The following CDH18 variants were observed in gnomAD, a reference collection of about 807,000 sequenced individuals.
The protein encoded by CDH18 is cadherin 18.
A neutral mutation model predicts 67.9 loss-of-function variants in CDH18; 31 were observed. That is an observed-to-expected ratio of 0.46 (90% CI 0.34 to 0.62). CDH18 has a LOEUF of 0.62. Among genes scored for constraint, CDH18 ranks in the 20% least tolerant of loss-of-function variants. The probability of loss-of-function intolerance (pLI) is 0.01; values close to 1 mark genes in which losing one functional copy is unlikely to be tolerated. For synonymous variants in CDH18, 362 were observed against 347.2 expected (o/e 1.04, Z -0.48); for missense variants, 890 against 975.5 (o/e 0.91, Z 1.17).
Position 19,895,056 on chromosome 5 carries a change from C to T in CDH18, c.-256-55814G>A, listed in dbSNP as rs1047616547. On this transcript the variant is annotated intron_variant, in intron 2 of 12. Transcript: ENST00000382275. ...ATGGAACCTTGGATCTAAATGCTCA[C>T]TTGAACACTGCTCTATGTAGTAGAT... Among the ~76,000 whole-genome samples, 4 of 152,084 alleles carry T rather than the reference C, an allele frequency of 2.6e-5. No homozygotes were observed. In the East Asian group the frequency reaches 7.7e-4, roughly 29 times the overall value.
chr5:19,785,597 TA>T (rs1775618647), intron 3 of CDH18, among the ~76,000 whole-genome samples: 1 of 130,976 alleles, frequency 7.6e-6, no homozygotes, highest in South Asian at 2.6e-4. Flanking sequence ...GAGGTTGCAG[TA>T]AGCCGAGATC....
At chr5:20,311,466 T>C (rs1357735373) in intron 1 of CDH18, among the ~76,000 whole-genome samples, 1 of 151,996 alleles carries the variant, frequency 6.6e-6, no homozygotes, top group Non-Finnish European at 1.5e-5. Context: ...TATGCAGCCA[T>C]AAAAAAGGAT....
intron 1 of CDH18, among the ~76,000 whole-genome samples, chr5:20,380,163 G>A (rs10473393): frequency 0.19 from 28,594 of 152,002 alleles, 2,951 homozygotes; most frequent in African/African-American, 0.25. Flanking sequence ...CCATTTAATA[G>A]CATTTTGATG....
chr5:19,816,051 G>A (rs1233476800), intron 3 of CDH18, among the ~76,000 whole-genome samples: 3 of 151,776 alleles, frequency 2.0e-5, no homozygotes, highest in East Asian at 1.9e-4. Flanking sequence ...GATAGAGAAC[G>A]TCATTCTTTT....
At chr5:20,192,129 A>G (rs1229645292) in intron 2 of CDH18, among the ~76,000 whole-genome samples, 5 of 148,112 alleles carry the variant, frequency 3.4e-5, no homozygotes, top group Non-Finnish European at 4.5e-5. Context: ...GCTTTTTTTC[A>G]TTTGTTTCTT....
chr5:20,496,718 C>T (rs1051623205), intron 1 of CDH18, among the ~76,000 whole-genome samples: 17 of 152,074 alleles, frequency 1.1e-4, no homozygotes, highest in African/African-American at 4.1e-4. Context: ...CATGCTCCTC[C>T]ATTCATTTAT....
intron 1 of CDH18, among the ~76,000 whole-genome samples, chr5:20,471,833 TAA>T (rs70954659): frequency 3.3e-4 from 17 of 51,470 alleles, no homozygotes; most frequent in Admixed American, 8.3e-4. Flanking sequence ...AGATTCAGTC[TAA>T]AAAAAAAAAA....
chr5:20,481,439 C>T (rs1277548717), intron 1 of CDH18, among the ~76,000 whole-genome samples: 1 of 152,204 alleles, frequency 6.6e-6, no homozygotes, highest in East Asian at 1.9e-4. Flanking sequence ...ACATATCACA[C>T]TTAATCAGCA....
At chr5:20,324,709 G>A (rs944007699) in intron 1 of CDH18, among the ~76,000 whole-genome samples, 1 of 152,082 alleles carries the variant, frequency 6.6e-6, no homozygotes, top group Admixed American at 6.6e-5. Flanking sequence ...TAGTAAGAAG[G>A]TTCTATGTTG....
intron 1 of CDH18, among the ~76,000 whole-genome samples, chr5:20,279,892 C>G (rs1415506815): frequency 6.6e-6 from 1 of 151,764 alleles, no homozygotes; most frequent in East Asian, 1.9e-4. Flanking sequence ...TTTTACAGAG[C>G]ATTTAATCCA....
intron 4 of CDH18, among the ~76,000 whole-genome samples, chr5:19,727,296 A>C (rs1415129735): frequency 1.3e-5 from 2 of 152,234 alleles, no homozygotes; most frequent in East Asian, 3.9e-4. Flanking sequence ...AGATCATGCC[A>C]GAGTAGTGCG....
chr5:19,590,059 T>C (rs1361513776), intron 7 of CDH18, among the ~76,000 whole-genome samples: 1 of 152,140 alleles, frequency 6.6e-6, no homozygotes, highest in Non-Finnish European at 1.5e-5. Flanking sequence ...TTAGAAGCTG[T>C]GTGCATGTAG....
intron 2 of CDH18, among the ~76,000 whole-genome samples, chr5:19,964,123 T>A (rs1797193138): frequency 1.3e-5 from 2 of 152,082 alleles, no homozygotes; most frequent in South Asian, 2.1e-4. Context: ...CACAGATTTT[T>A]AAAAATGTTT....
chr5:19,526,801 G>T (rs1467856109), intron 9 of CDH18, among the ~76,000 whole-genome samples: 1 of 151,776 alleles, frequency 6.6e-6, no homozygotes, highest in African/African-American at 2.4e-5. Context: ...ATATAATATT[G>T]CAGATTATTT....
At chr5:19,648,863 G>T (rs188107348) in intron 5 of CDH18, among the ~76,000 whole-genome samples, 3 of 151,346 alleles carry the variant, frequency 2.0e-5, no homozygotes, top group Non-Finnish European at 2.9e-5. Flanking sequence ...AGACAAAAAT[G>T]ACATTTATAT....
At chr5:20,547,103 C>T (rs927591073) in intron 1 of CDH18, among the ~76,000 whole-genome samples, 40 of 151,982 alleles carry the variant, frequency 2.6e-4, no homozygotes, top group Admixed American at 4.6e-4. Flanking sequence ...AAAATCACCA[C>T]GCTTTAAAAC....
chr5:20,178,592 CT>C (rs111364657), intron 2 of CDH18, among the ~76,000 whole-genome samples: 2,461 of 142,322 alleles, frequency 0.017, 54 homozygotes, highest in African/African-American at 0.052. Context: ...TTCTTTCTTT[CT>C]TTTTTTTTTT....
chr5:20,442,705 A>C (rs1000539323), intron 1 of CDH18, among the ~76,000 whole-genome samples: 3 of 151,954 alleles, frequency 2.0e-5, no homozygotes, highest in African/African-American at 7.3e-5. Context: ...TTGGTCTAGC[A>C]GTTATTGACT....
intron 1 of CDH18, among the ~76,000 whole-genome samples, chr5:20,488,857 A>G (rs1753391796): frequency 6.6e-6 from 1 of 151,980 alleles, no homozygotes; most frequent in Non-Finnish European, 1.5e-5. Flanking sequence ...TTAAGTGCCA[A>G]CTATATGCCA....
Sources: gnomAD v4.1 joint callset for allele counts (sites outside exome capture counted in the v4.1 genomes callset) on GRCh38, gnomAD v4.1.1 for gene constraint, MANE v1.5 for transcripts, NCBI Gene and HGNC (gene_info 2026-07-23, HGNC 2026-07-21) for gene names.